The following SARNP variants were observed in gnomAD, a reference collection of about 807,000 sequenced individuals.
SARNP encodes SAP domain-containing ribonucleoprotein.
Under a neutral mutation model 38.1 loss-of-function variants are expected in SARNP, and 5 were observed. The ratio of observed to expected loss-of-function variants is 0.13; its 90% CI spans 0.07 to 0.28. The LOEUF is 0.28. Among genes scored for constraint, SARNP ranks in the 10% least tolerant of loss-of-function variants. The pLI is 1.00. For synonymous variants in SARNP, 84 were observed against 80.6 expected, an observed-to-expected ratio of 1.04 and a Z score of -0.23; for missense variants, 180 against 243.9, an observed-to-expected ratio of 0.74 and a Z score of 1.75.
At chr12:55,794,173 G>T in intron 7 of SARNP, 186 bp downstream of exon 7, 1 of 598,520 alleles carries the variant, frequency 1.7e-6, no homozygotes. Flanking sequence ...ATAACATTCA[G>T]TATCTCTCTT....
At chr12:55,803,908 T>G (rs768314873) in intron 1 of SARNP, among the ~76,000 whole-genome samples, 180 bp from the exon 2 acceptor site, 2 of 152,162 alleles carry the variant, frequency 1.3e-5, no homozygotes, top group Admixed American at 1.3e-4. Context: ...CGATATTCAA[T>G]ATACAAGAGG....
At chr12:55,754,187 T>G (rs1303066312), downstream of SARNP, 1 of 152,210 alleles carries the variant, frequency 6.6e-6, no homozygotes, top group African/African-American at 2.4e-5. Context: ...CATATCCACA[T>G]CTACCCCTAA....
chr12:55,769,904 G>A (rs144752535), intron 9 of SARNP, among the ~76,000 whole-genome samples: 4 of 152,338 alleles, frequency 2.6e-5, no homozygotes, highest in African/African-American at 9.6e-5. Context: ...AAGGTTAGGT[G>A]TATTAAATGC....
intron 7 of SARNP, among the ~76,000 whole-genome samples, chr12:55,792,306 A>G (rs1359690335): frequency 2.0e-5 from 3 of 152,170 alleles, no homozygotes; most frequent in African/African-American, 7.2e-5. Context: ...CTGACGAGTC[A>G]CAGGGAAAAC....
At chr12:55,771,785 C>T (rs1314155037) in intron 9 of SARNP, among the ~76,000 whole-genome samples, 2 of 152,020 alleles carry the variant, frequency 1.3e-5, no homozygotes, top group African/African-American at 4.8e-5. Flanking sequence ...GGTAGCATGG[C>T]AAAAAGGAAA....
At chr12:55,806,079 A>C (rs1472000814) in intron 1 of SARNP, among the ~76,000 whole-genome samples, 2 of 149,532 alleles carry the variant, frequency 1.3e-5, no homozygotes, top group Non-Finnish European at 3.0e-5. Context: ...GCCAGTTTTA[A>C]AAAAAAAAAT....
intron 9 of SARNP, chr12:55,762,129 A>T (rs1044101646): frequency 1.3e-5 from 2 of 152,062 alleles, no homozygotes; most frequent in African/African-American, 2.4e-5. Context: ...TTTACTAAAC[A>T]TACAAAAATT....
chr12:55,811,605 A>C (rs2887998), intron 1 of SARNP, among the ~76,000 whole-genome samples: 109,413 of 149,616 alleles, frequency 0.73, 45,446 homozygotes, highest in Non-Finnish European at 0.93. Context: ...ACAAACAAAC[A>C]AACCACAGCT....
chr12:55,811,639 A>G (rs1880331889), intron 1 of SARNP, among the ~76,000 whole-genome samples: 2 of 152,350 alleles, frequency 1.3e-5, no homozygotes, highest in Non-Finnish European at 1.5e-5. Context: ...CCAATATGCC[A>G]GCTCAAGTGT....
intron 9 of SARNP, among the ~76,000 whole-genome samples, chr12:55,788,042 C>T (rs1356313867): frequency 6.6e-6 from 1 of 152,232 alleles, no homozygotes; most frequent in Non-Finnish European, 1.5e-5. Flanking sequence ...AGCCACCACG[C>T]CTGGCCCGAT....
At chr12:55,804,020 T>C (rs1392778826) in intron 1 of SARNP, among the ~76,000 whole-genome samples, 1 of 152,190 alleles carries the variant, frequency 6.6e-6, no homozygotes, top group Non-Finnish European at 1.5e-5. Context: ...TATTTCTAAA[T>C]ATTCTGAGGG....
intron 1 of SARNP, among the ~76,000 whole-genome samples, chr12:55,813,691 T>C (rs1297852288): frequency 1.3e-5 from 2 of 152,082 alleles, no homozygotes; most frequent in African/African-American, 4.8e-5. Context: ...ATTACAGGCA[T>C]GTGCCATCAC....
downstream of SARNP, chr12:55,756,117 G>A (rs948902674): frequency 6.6e-6 from 1 of 152,204 alleles, no homozygotes; most frequent in African/African-American, 2.4e-5. Flanking sequence ...GTAGAGAGAG[G>A]AAAAGCTAGC....
intron 9 of SARNP, among the ~76,000 whole-genome samples, chr12:55,774,010 TTTTTC>T (rs1879088546): frequency 6.6e-6 from 1 of 151,866 alleles, no homozygotes; most frequent in South Asian, 2.1e-4. Context: ...ACCTGGCCCT[TTTTTC>T]TTTTTGAGAC....
At chr12:55,766,004 AC>A (rs1878818873) in intron 9 of SARNP, among the ~76,000 whole-genome samples, 1 of 151,864 alleles carries the variant, frequency 6.6e-6, no homozygotes, top group Non-Finnish European at 1.5e-5. Flanking sequence ...GGGATGGTGA[AC>A]CCCATCTGAG....
At chr12:55,765,173 C>T (rs937390675) in intron 9 of SARNP, among the ~76,000 whole-genome samples, 2 of 152,154 alleles carry the variant, frequency 1.3e-5, no homozygotes, top group Non-Finnish European at 2.9e-5. Flanking sequence ...GTTCAAATCA[C>T]AGAGGAGATA....
At chr12:55,754,838 G>C (rs1439990188), downstream of SARNP, 2 of 152,218 alleles carry the variant, frequency 1.3e-5, no homozygotes, top group African/African-American at 2.4e-5. Flanking sequence ...GGGTCTCAGA[G>C]CTAGTGTGGT....
intron 7 of SARNP, chr12:55,794,069 T>G (rs1293422070): frequency 2.5e-6 from 1 of 395,086 alleles, no homozygotes; most frequent in African/African-American, 2.1e-5. Context: ...TTTTATGCAG[T>G]TGAGACCCCA....
chr12:55,814,045 G>A lies in SARNP; in HGVS notation c.36+3621C>T, dbSNP rs117383548. 3.9e-4 allele frequency among the ~76,000 whole-genome samples: 60 copies of A among 152,292 alleles called. No individual in the cohort carries two copies. The East Asian group carries it at 0.011, about 28-fold the overall frequency. ...TGCCACATAACAAATGCTAAGTGTT[G>A]GCAATTGATGAAGCATTCTGAAGAA... is the stretch of plus-strand genomic sequence containing the variant. On this transcript the variant is annotated intron_variant, in intron 1 of 10. Transcript: ENST00000336133.
Sources: gnomAD v4.1 joint callset for allele counts (sites outside exome capture counted in the v4.1 genomes callset) on GRCh38, gnomAD v4.1.1 for gene constraint, MANE v1.5 for transcripts, NCBI Gene and HGNC (gene_info 2026-07-23, HGNC 2026-07-21) for gene names.